Variants in SLCO3A1 observed in about 807,000 individuals in gnomAD.
The protein encoded by SLCO3A1 is solute carrier organic anion transporter family member 3A1, also known as PGE1 transporter.
SLCO3A1 carries 27 observed loss-of-function variants against 63.1 expected under a neutral mutation model. The observed-to-expected ratio is 0.43, with a 90% CI of 0.32 to 0.59. SLCO3A1 has a LOEUF of 0.59. Ranked by LOEUF, SLCO3A1 falls within the 20% of genes least tolerant of loss-of-function variation. The pLI is 0.09. For synonymous variants in SLCO3A1, 473 were observed against 409.9 expected, an observed-to-expected ratio of 1.15 and a Z score of -1.86; for missense variants, 773 against 945.8, an observed-to-expected ratio of 0.82 and a Z score of 2.40.
Position 91,856,650 on chromosome 15 carries a change from C to A in SLCO3A1, c.180+2562C>A, listed in dbSNP as rs753291023. Among the ~76,000 whole-genome samples, 39 of 152,154 alleles carry A rather than the reference C, an allele frequency of 2.6e-4. No individual in the cohort carries two copies. Among genetic ancestry groups the A allele is most frequent in the Non-Finnish European group, 5.3e-4 (36 of 68,038 alleles). On this transcript the variant is annotated intron_variant, in intron 1 of 9. Coordinates refer to ENST00000318445, the MANE Select transcript of SLCO3A1 (RefSeq NM_013272.4). This position sits in a 1 kb window ranked among gnomAD's most constrained non-coding sequence, Gnocchi z 4.9. Reference sequence around the variant, plus strand: ...CCTGAGACCTTGTGTCTGTAGGGGACCACAGGGCAGGGTCCACGTGCTAAG... The same window carrying A: ...CCTGAGACCTTGTGTCTGTAGGGGAACACAGGGCAGGGTCCACGTGCTAAG...
intron 7 of SLCO3A1, among the ~76,000 whole-genome samples, chr15:92,138,126 T>A (rs1344842217): frequency 8.5e-6 from 1 of 117,170 alleles, no homozygotes; most frequent in African/African-American, 4.3e-5. Context: ...TTTAAGTCTT[T>A]AATCCATCTT....
At chr15:92,134,141 C>T (rs2048028512) in intron 7 of SLCO3A1, among the ~76,000 whole-genome samples, 1 of 152,200 alleles carries the variant, frequency 6.6e-6, no homozygotes, top group Admixed American at 6.5e-5. Context: ...AGACACAGCC[C>T]CCACCACTGG....
At chr15:92,108,931 A>C (rs547536541) in intron 4 of SLCO3A1, among the ~76,000 whole-genome samples, 1 of 152,008 alleles carries the variant, frequency 6.6e-6, no homozygotes, top group East Asian at 1.9e-4. Context: ...ACACATTACC[A>C]TGGCAGTCTC....
At chr15:92,012,772 C>T (rs1031398158) in intron 2 of SLCO3A1, among the ~76,000 whole-genome samples, 7 of 146,712 alleles carry the variant, frequency 4.8e-5, no homozygotes, top group African/African-American at 7.6e-5. Flanking sequence ...AAGGCTCAGA[C>T]GAGGCTTAAC....
intron 1 of SLCO3A1, among the ~76,000 whole-genome samples, chr15:91,915,491 C>A (rs557347697): frequency 6.6e-6 from 1 of 152,280 alleles, no homozygotes; most frequent in South Asian, 2.1e-4. Flanking sequence ...GTGCATTTTG[C>A]CACTTGGGTT....
intron 2 of SLCO3A1, among the ~76,000 whole-genome samples, chr15:92,028,862 G>A (rs117755163): frequency 2.7e-5 from 4 of 149,428 alleles, no homozygotes; most frequent in East Asian, 2.0e-4. Context: ...TTTTGCTGGC[G>A]TATCAGTTAG....
At chr15:92,131,273 A>G (rs945386900) in intron 7 of SLCO3A1, among the ~76,000 whole-genome samples, 2 of 152,188 alleles carry the variant, frequency 1.3e-5, no homozygotes, top group South Asian at 2.1e-4. Flanking sequence ...TACCTCTTCA[A>G]ACATGCACTT....
intron 7 of SLCO3A1, among the ~76,000 whole-genome samples, chr15:92,132,433 T>A (rs1042319236): frequency 6.9e-6 from 1 of 144,492 alleles, no homozygotes; most frequent in Non-Finnish European, 1.5e-5. Context: ...TCACTGCATA[T>A]GACCAGGAAG....
At chr15:92,146,552 A>G (rs757094411) in intron 7 of SLCO3A1, among the ~76,000 whole-genome samples, 18 of 152,258 alleles carry the variant, frequency 1.2e-4, no homozygotes, top group Admixed American at 3.3e-4. Context: ...CAGCAACAAT[A>G]TGCGGGTTAC....
chr15:92,045,925 G>C (rs1331394317), intron 2 of SLCO3A1, among the ~76,000 whole-genome samples: 3 of 152,126 alleles, frequency 2.0e-5, no homozygotes, highest in African/African-American at 4.8e-5. Context: ...AATCTAACTG[G>C]CATCGCTCTG....
At chr15:92,119,004 C>T (rs903663786) in intron 4 of SLCO3A1, among the ~76,000 whole-genome samples, 1 of 152,170 alleles carries the variant, frequency 6.6e-6, no homozygotes, top group African/African-American at 2.4e-5. Context: ...GTGTCTTAAG[C>T]CATAACAGCC....
rs930388250 is a variant in SLCO3A1 at position 91,894,500 on chromosome 15, C to T, written c.181-21493C>T. On this transcript the variant is annotated intron_variant, in intron 1 of 9. Transcript: ENST00000318445. The surrounding 1 kb of genome is among the most constrained non-coding windows in gnomAD (Gnocchi z 4.8). ...GACAGAGGAGTGGACAGATTGGAAT[C>T]TGCCAAGGTAGGGCCAAGTGATGGG... Among the ~76,000 whole-genome samples the T allele has an allele frequency of 6.6e-6, 1 of 152,092 alleles. No homozygotes were observed. The highest frequency in any genetic ancestry group is 1.5e-5 in the Non-Finnish European group (1 of 68,012).
At chr15:92,079,991 T>C (rs2047323014) in intron 2 of SLCO3A1, among the ~76,000 whole-genome samples, 1 of 152,234 alleles carries the variant, frequency 6.6e-6, no homozygotes, top group Admixed American at 6.5e-5. Context: ...GTTGTTTCTC[T>C]GGATGGATTT....
At chr15:92,151,294 A>T in intron 9 of SLCO3A1, 2 of 305,922 alleles carry the variant, frequency 6.5e-6, no homozygotes, top group Non-Finnish European at 1.2e-5. Flanking sequence ...AAGGGGAAAA[A>T]AATCTGGTGG....
intron 2 of SLCO3A1, among the ~76,000 whole-genome samples, chr15:91,929,881 T>C (rs1899163119): frequency 6.6e-6 from 1 of 152,176 alleles, no homozygotes; most frequent in Non-Finnish European, 1.5e-5. Context: ...CCTTCCTATG[T>C]ATATTATATA....
chr15:92,029,701 G>A (rs527585373), intron 2 of SLCO3A1, among the ~76,000 whole-genome samples: 5 of 150,858 alleles, frequency 3.3e-5, no homozygotes, highest in East Asian at 2.0e-4. Flanking sequence ...ATGTAGTCGC[G>A]CTGACACTGT....
At chr15:92,143,585 T>C (rs905597067) in intron 7 of SLCO3A1, among the ~76,000 whole-genome samples, 4 of 131,954 alleles carry the variant, frequency 3.0e-5, no homozygotes, top group Admixed American at 2.8e-4. Flanking sequence ...TTCATTAGCT[T>C]TAGTGTCAGG....
chr15:92,139,467 G>C (rs2048100626), intron 7 of SLCO3A1, among the ~76,000 whole-genome samples: 1 of 152,140 alleles, frequency 6.6e-6, no homozygotes, highest in Non-Finnish European at 1.5e-5. Context: ...CCCAGCTTTG[G>C]TGTCAGAATG....
chr15:92,059,760 C>G (rs1215237061), intron 2 of SLCO3A1, among the ~76,000 whole-genome samples: 2 of 152,218 alleles, frequency 1.3e-5, no homozygotes. Flanking sequence ...CCTCATCAGA[C>G]CAGCATTGCT....
Sources: allele counts gnomAD v4.1 joint callset (sites outside exome capture counted in the v4.1 genomes callset), GRCh38; gene constraint gnomAD v4.1.1; non-coding constraint Gnocchi (gnomAD v3.1); transcripts MANE v1.5; gene names NCBI Gene and HGNC (gene_info 2026-07-23, HGNC 2026-07-21).